The following LRRC1 variants were observed in gnomAD, a reference collection of about 807,000 sequenced individuals.
LRRC1 encodes the protein leucine-rich repeat-containing protein 1.
In LRRC1, 28 loss-of-function variants were observed where a neutral mutation model predicts 69.9. The ratio of observed to expected loss-of-function variants is 0.40; its 90% CI spans 0.30 to 0.55. LRRC1 has a LOEUF of 0.55. LRRC1 is among the 20% of genes least tolerant of loss of function. The pLI, the probability that LRRC1 is intolerant of heterozygous loss-of-function variation, is 0.47. For missense variants in LRRC1, 498 were observed against 609.0 expected, an observed-to-expected ratio of 0.82 and a Z score of 1.92; for synonymous variants, 236 against 240.2, an observed-to-expected ratio of 0.98 and a Z score of 0.16.
intron 1 of LRRC1, among the ~76,000 whole-genome samples, chr6:53,836,975 T>C (rs1765629149): frequency 6.6e-6 from 1 of 152,174 alleles, no homozygotes; most frequent in South Asian, 2.1e-4. Context: ...TGAAATAATA[T>C]AGTATGCATT....
intron 1 of LRRC1, among the ~76,000 whole-genome samples, chr6:53,820,671 T>C (rs1446455200): frequency 1.3e-5 from 2 of 152,022 alleles, no homozygotes; most frequent in Non-Finnish European, 2.9e-5. Context: ...ATCACCTACC[T>C]TAGTGAATTC....
At chr6:53,873,929 C>T (rs78808804) in intron 2 of LRRC1, among the ~76,000 whole-genome samples, 1,775 of 152,290 alleles carry the variant, frequency 0.012, 33 homozygotes, top group African/African-American at 0.038. Context: ...TCTCTTTTCT[C>T]AGCCTTATAG....
At chr6:53,898,970 T>G in intron 7 of LRRC1, among the ~76,000 whole-genome samples, 1 of 152,116 alleles carries the variant, frequency 6.6e-6, no homozygotes, top group East Asian at 1.9e-4. Context: ...GAAGCACAGT[T>G]TATGGAATGG....
intron 1 of LRRC1, among the ~76,000 whole-genome samples, chr6:53,832,536 C>T (rs940303690): frequency 7.2e-5 from 11 of 152,146 alleles, no homozygotes; most frequent in East Asian, 3.8e-4. Flanking sequence ...TTGAAAATCG[C>T]ACATCAAAAT....
intron 4 of LRRC1, among the ~76,000 whole-genome samples, chr6:53,885,886 C>T (rs1405349039): frequency 2.0e-5 from 3 of 152,152 alleles, no homozygotes; most frequent in Non-Finnish European, 2.9e-5. Flanking sequence ...AACTGGACTA[C>T]GGCTCTCCAG....
chr6:53,884,093 G>T, intron 4 of LRRC1: 1 of 698,654 alleles, frequency 1.4e-6, no homozygotes. Context: ...AAGACAGGAA[G>T]CCCTCAATAC....
At chr6:53,814,963 C>T (rs987337133) in intron 1 of LRRC1, among the ~76,000 whole-genome samples, 33 of 152,162 alleles carry the variant, frequency 2.2e-4, no homozygotes, top group African/African-American at 6.5e-4. Flanking sequence ...GGCTCACCGC[C>T]GAGCCTCTTG....
chr6:53,896,625 C>T (rs1457589526), intron 5 of LRRC1, 71 bp downstream of exon 5: 1 of 1,377,658 alleles, frequency 7.3e-7, no homozygotes, highest in Non-Finnish European at 1.0e-6. Context: ...AACAGGACTA[C>T]AGTATTACGT....
chr6:53,871,766 C>A (rs1341174202), intron 2 of LRRC1, among the ~76,000 whole-genome samples: 1 of 152,170 alleles, frequency 6.6e-6, no homozygotes, highest in Non-Finnish European at 1.5e-5. Flanking sequence ...CTCCCAGGTT[C>A]AAGCGATTCT....
intron 10 of LRRC1, among the ~76,000 whole-genome samples, chr6:53,907,376 T>C (rs1370527008): frequency 6.6e-6 from 1 of 152,208 alleles, no homozygotes; most frequent in Non-Finnish European, 1.5e-5. Flanking sequence ...TATAGTATTG[T>C]GTGTTGCCAG....
intron 1 of LRRC1, among the ~76,000 whole-genome samples, chr6:53,815,059 G>A (rs896037730): frequency 4.6e-5 from 7 of 150,940 alleles, no homozygotes; most frequent in African/African-American, 1.5e-4. Context: ...TTTATGAGAA[G>A]CACCTGGGGA....
chr6:53,904,276 G>A (rs1010750483), intron 9 of LRRC1, 103 bp from the exon 10 acceptor site: 3 of 659,066 alleles, frequency 4.6e-6, no homozygotes, highest in Non-Finnish European at 8.0e-6. Context: ...TGCTTCTGTT[G>A]CTGGATGAGA....
intron 1 of LRRC1, among the ~76,000 whole-genome samples, chr6:53,815,141 G>A (rs1764914855): frequency 6.6e-6 from 1 of 151,844 alleles, no homozygotes; most frequent in Admixed American, 6.6e-5. Flanking sequence ...GGTGGGGGTG[G>A]GGGTCATCAG....
chr6:53,922,700 G>A lies in LRRC1; in HGVS notation c.1482G>A (p.Glu494=). The A allele has an allele frequency of 6.2e-7, 1 of 1,614,138 alleles. No individual in the cohort carries two copies. The stretch of plus-strand genomic sequence containing the variant: ...TAAAGCACATGAAAAAGACAGTGGA[G>A]AATTTACGGAATGACATGAATGCTG... ...GELKHMKKTV[E]NLRNDMNAAK... is the part of the protein sequence containing the mutation. The change falls in exon 14 of 14, where the codon GAG becomes GAA. Residue 494 remains glutamate (E), a synonymous_variant. Transcript: ENST00000370888.
chr6:53,834,440 C>T (rs1377908683), intron 1 of LRRC1, among the ~76,000 whole-genome samples: 1 of 152,222 alleles, frequency 6.6e-6, no homozygotes, highest in African/African-American at 2.4e-5. Context: ...CCCGCCTCCA[C>T]CTCCAGCATG....
intron 2 of LRRC1, among the ~76,000 whole-genome samples, chr6:53,851,240 A>G (rs1766123998): frequency 1.3e-5 from 2 of 150,580 alleles, no homozygotes; most frequent in Admixed American, 1.3e-4. Context: ...TATATATATG[A>G]ATCTATTCCT....
intron 1 of LRRC1, among the ~76,000 whole-genome samples, chr6:53,809,257 G>A (rs4269375): frequency 0.63 from 95,146 of 152,118 alleles, 30,069 homozygotes; most frequent in East Asian, 0.9. Flanking sequence ...GTGCTTTCTG[G>A]AACTATACAT....
chr6:53,861,019 G>T (rs1766491748), intron 2 of LRRC1, among the ~76,000 whole-genome samples: 1 of 63,132 alleles, frequency 1.6e-5, no homozygotes, highest in Non-Finnish European at 3.6e-5. Flanking sequence ...ACAGACACTG[G>T]GGCCGCTTTT....
chr6:53,810,297 AG>A (rs1764754187), intron 1 of LRRC1, among the ~76,000 whole-genome samples: 1 of 152,200 alleles, frequency 6.6e-6, no homozygotes, highest in Non-Finnish European at 1.5e-5. Flanking sequence ...AATCTCTAGC[AG>A]GAATGATTCT....
Sources: allele counts gnomAD v4.1 joint callset (sites outside exome capture counted in the v4.1 genomes callset), GRCh38; gene constraint gnomAD v4.1.1; transcripts MANE v1.5; gene names NCBI Gene and HGNC (gene_info 2026-07-23, HGNC 2026-07-21).